IL1RAPL1: variants seen among roughly 807,000 people sequenced by gnomAD.
IL1RAPL1 encodes the protein interleukin-1 receptor accessory protein-like 1.
Under a neutral mutation model 48.4 loss-of-function variants are expected in IL1RAPL1, and 3 were observed. The ratio of observed to expected loss-of-function variants is 0.06; its 90% CI spans 0.03 to 0.16. The LOEUF is 0.16. Ranked by LOEUF, IL1RAPL1 falls within the 10% of genes least tolerant of loss-of-function variation. IL1RAPL1 has a pLI of 1.00. For synonymous variants in IL1RAPL1, 185 were observed against 187.7 expected, an observed-to-expected ratio of 0.99 and a Z score of 0.12; for missense variants, 349 against 530.6, an observed-to-expected ratio of 0.66 and a Z score of 3.36.
intron 2 of IL1RAPL1, among the ~76,000 whole-genome samples, chrX:29,255,225 G>A (rs1316808325): frequency 9.3e-6 from 1 of 108,067 alleles, no homozygotes; most frequent in Non-Finnish European, 1.9e-5. Context: ...TCCTAGTTTG[G>A]AGCAGAATTC....
chrX:29,137,499 A>G (rs1370899149), intron 2 of IL1RAPL1, among the ~76,000 whole-genome samples: 3 of 111,979 alleles, frequency 2.7e-5, no homozygotes, highest in African/African-American at 9.7e-5. Flanking sequence ...TCCTTAGTGT[A>G]TGAACCACAT....
chrX:29,933,716 C>T (rs181297073), intron 8 of IL1RAPL1, among the ~76,000 whole-genome samples: 252 of 107,008 alleles, frequency 2.4e-3, no homozygotes, highest in African/African-American at 8.3e-3. Flanking sequence ...ATTTAAATCC[C>T]AGTGGAAGAC....
intron 2 of IL1RAPL1, among the ~76,000 whole-genome samples, chrX:28,948,637 T>C (rs1008763893): frequency 7.2e-5 from 8 of 111,845 alleles, no homozygotes; most frequent in African/African-American, 2.6e-4. Context: ...ATGGTACATG[T>C]AAAGCACCTG....
At chrX:29,083,401 T>C (rs1927885741) in intron 2 of IL1RAPL1, among the ~76,000 whole-genome samples, 1 of 112,032 alleles carries the variant, frequency 8.9e-6, no homozygotes. Context: ...GATGCAATTA[T>C]AATGCATAAG....
intron 2 of IL1RAPL1, among the ~76,000 whole-genome samples, chrX:28,925,365 C>T (rs1034835641): frequency 1.8e-5 from 2 of 111,435 alleles, no homozygotes; most frequent in Non-Finnish European, 3.8e-5. Flanking sequence ...TACTACCTGC[C>T]GGATTCATCT....
intron 1 of IL1RAPL1, among the ~76,000 whole-genome samples, chrX:28,662,108 C>T (rs939976840): frequency 4.5e-5 from 5 of 110,264 alleles, no homozygotes; most frequent in African/African-American, 1.7e-4. Flanking sequence ...GATTGCAGGG[C>T]CTGGAGGAGG....
intron 3 of IL1RAPL1, among the ~76,000 whole-genome samples, chrX:29,305,461 A>T (rs769523906): frequency 8.9e-6 from 1 of 112,257 alleles, no homozygotes; most frequent in East Asian, 2.8e-4. Flanking sequence ...GTGAGAAGGA[A>T]ATCCATAAAC....
At chrX:28,951,174 A>G (rs1226612355) in intron 2 of IL1RAPL1, among the ~76,000 whole-genome samples, 1 of 101,229 alleles carries the variant, frequency 9.9e-6, no homozygotes, top group Admixed American at 1.1e-4. Context: ...CTAATGCTAG[A>G]TGACGAGTTA....
At chrX:29,541,813 C>T (rs960972118) in intron 5 of IL1RAPL1, among the ~76,000 whole-genome samples, 5 of 110,328 alleles carry the variant, frequency 4.5e-5, no homozygotes, top group Non-Finnish European at 7.6e-5. Context: ...TTTTGAAAAA[C>T]GATTGGGTAC....
intron 3 of IL1RAPL1, among the ~76,000 whole-genome samples, chrX:29,355,620 G>A (rs978312834): frequency 8.9e-6 from 1 of 111,882 alleles, no homozygotes; most frequent in Non-Finnish European, 1.9e-5. Flanking sequence ...AAACTGTTAC[G>A]CTAATTATCT....
intron 5 of IL1RAPL1, among the ~76,000 whole-genome samples, chrX:29,415,910 A>G (rs898984668): frequency 6.2e-5 from 7 of 112,253 alleles, no homozygotes; most frequent in Admixed American, 9.5e-5. Context: ...ATTTTTCAAA[A>G]TGAACAACAG....
intron 2 of IL1RAPL1, among the ~76,000 whole-genome samples, chrX:28,926,425 A>C (rs1287380042): frequency 1.8e-5 from 2 of 111,396 alleles, no homozygotes; most frequent in Non-Finnish European, 3.8e-5. Context: ...AGTATTGTTA[A>C]AACAAGAGTA....
intron 2 of IL1RAPL1, among the ~76,000 whole-genome samples, chrX:29,039,358 T>A (rs749041272): frequency 2.4e-4 from 27 of 112,002 alleles, no homozygotes; most frequent in Admixed American, 2.3e-3. Context: ...AGTCCTCTGC[T>A]CTGCTTTCCT....
At chrX:28,819,056 T>C (rs868337429) in intron 2 of IL1RAPL1, among the ~76,000 whole-genome samples, 1 of 111,068 alleles carries the variant, frequency 9.0e-6, no homozygotes, top group South Asian at 3.7e-4. Context: ...GGAAGCATGC[T>C]ACTATGTTTG....
At chrX:28,984,119 A>G (rs1925407879) in intron 2 of IL1RAPL1, among the ~76,000 whole-genome samples, 1 of 112,189 alleles carries the variant, frequency 8.9e-6, no homozygotes, top group Admixed American at 9.5e-5. Context: ...GGAAATTTTC[A>G]ATATCTGCAC....
chrX:29,100,435 A>G (rs1238043144), intron 2 of IL1RAPL1, among the ~76,000 whole-genome samples: 6 of 111,228 alleles, frequency 5.4e-5, no homozygotes, highest in Non-Finnish European at 1.1e-4. Context: ...TGGTATGATC[A>G]GTTGGCTACC....
intron 2 of IL1RAPL1, among the ~76,000 whole-genome samples, chrX:29,191,064 A>G (rs1930343623): frequency 9.0e-6 from 1 of 111,574 alleles, no homozygotes; most frequent in Non-Finnish European, 1.9e-5. Flanking sequence ...GTATATAGTT[A>G]AGAAACATTT....
chrX:29,082,516 G>T (rs975013769), intron 2 of IL1RAPL1, among the ~76,000 whole-genome samples: 1 of 111,756 alleles, frequency 8.9e-6, no homozygotes, highest in African/African-American at 3.3e-5. Flanking sequence ...AAGCTAATTT[G>T]GGGCAAATGA....
intron 5 of IL1RAPL1, among the ~76,000 whole-genome samples, chrX:29,659,745 C>G (rs1400405061): frequency 8.9e-6 from 1 of 111,762 alleles, no homozygotes; most frequent in Non-Finnish European, 1.9e-5. Context: ...CTACCTCAGC[C>G]TCCCAAGTAG....
Sources: gnomAD v4.1 joint callset for allele counts (sites outside exome capture counted in the v4.1 genomes callset) on GRCh38, gnomAD v4.1.1 for gene constraint, MANE v1.5 for transcripts, NCBI Gene and HGNC (gene_info 2026-07-23, HGNC 2026-07-21) for gene names.